Variants in CCNK observed in about 807,000 individuals in gnomAD.
CCNK encodes cyclin K, also known as cyclin-K.
A neutral mutation model predicts 65.0 loss-of-function variants in CCNK; 9 were observed. The observed-to-expected ratio is 0.14, with a 90% CI of 0.08 to 0.24. CCNK has a LOEUF of 0.24. Ranked by LOEUF, CCNK falls within the 10% of genes least tolerant of loss-of-function variation. CCNK has a pLI of 1.00. For synonymous variants in CCNK, 279 were observed against 270.8 expected (o/e 1.03, Z -0.30); for missense variants, 474 against 720.0 (o/e 0.66, Z 3.91).
chr14:99,497,616 C>T lies in CCNK; in HGVS notation c.411+1987C>T, dbSNP rs3918077. Among the ~76,000 whole-genome samples, 70 of 152,254 alleles carry T rather than the reference C, an allele frequency of 4.6e-4. No homozygotes were observed. In the East Asian group the frequency reaches 0.013, roughly 29 times the overall value. On this transcript the variant is annotated intron_variant, in intron 4 of 10. Coordinates refer to ENST00000389879, the MANE Select transcript of CCNK (RefSeq NM_001099402.2). ...TAAAGCTAAAGCGATGAAGTTCAGC[C>T]CCATTCATGGTGTTGTTTTTCCTAA...
intron 1 of CCNK, chr14:99,492,085 G>A (rs1308338224): frequency 2.6e-5 from 4 of 152,248 alleles, no homozygotes; most frequent in Non-Finnish European, 5.9e-5. Flanking sequence ...TGCACATTTG[G>A]TTTACATCAG....
At chr14:99,499,565 G>A (rs908516835) in intron 4 of CCNK, among the ~76,000 whole-genome samples, 1 of 152,182 alleles carries the variant, frequency 6.6e-6, no homozygotes, top group Non-Finnish European at 1.5e-5. Context: ...ACAACGCCCT[G>A]TCTTTGATGC....
rs912563511 is a variant in CCNK, at chr14:99,510,174, G to A, written c.1135G>A (p.Ala379Thr). 6.3e-6 allele frequency: 10 copies of A among 1,597,838 alleles called. No individual in the cohort carries two copies. The highest frequency in any genetic ancestry group is 2.2e-5 in the East Asian group (1 of 44,486). The change falls in exon 11 of 11, where the codon GCT becomes ACT. Residue 379 changes from alanine to threonine, a missense_variant. Transcript: ENST00000389879. ...TCCTGCAGACCGGAAGCCTCCCCTC[G>A]CTGCTGCCTTAGGTGAGGCTGAGCC... Reference protein sequence around the residue: ...HPPPDRKPPLAAALGEAEPPG... With the variant: ...HPPPDRKPPLTAALGEAEPPG...
intron 9 of CCNK, chr14:99,504,515 A>G (rs1468541033): frequency 1.3e-5 from 2 of 151,144 alleles, no homozygotes; most frequent in East Asian, 2.0e-4. Context: ...CAGCGGTGCA[A>G]TCTTAACTCA....
In CCNK at chr14:99,502,364, G is replaced by A. The variant is rs767256145; in HGVS notation, c.733G>A (p.Asp245Asn). The A allele has an allele frequency of 1.2e-6, 2 of 1,613,490 alleles. No individual in the cohort carries two copies. The highest frequency in any genetic ancestry group is 1.7e-6 in the Non-Finnish European group (2 of 1,179,742). The part of the protein sequence containing the change: ...WEQFVQDVPV[D>N]VLEDICHQIL... ...GCAGTTTGTTCAAGATGTCCCGGTC[G>A]ACGTTTTGGAAGGTACCAGGCATGC... Residue 245 changes from aspartate to asparagine, a missense_variant, in exon 7 of 11, where the codon GAC becomes AAC. Transcript: ENST00000389879.
Position 99,502,360 on chromosome 14 carries a change from G to A in CCNK, c.729G>A (p.Pro243=), listed in dbSNP as rs367888657. ...GGGAGCAGTTTGTTCAAGATGTCCC[G>A]GTCGACGTTTTGGAAGGTACCAGGC... ...RWWEQFVQDV[P]VDVLEDICHQ... is the part of the protein sequence containing the mutation. Residue 243 remains proline (P), a synonymous_variant, in exon 7 of 11, where the codon CCG becomes CCA. Coordinates refer to ENST00000389879, the MANE Select transcript of CCNK (RefSeq NM_001099402.2). The A allele has an allele frequency of 2.2e-5, 36 of 1,613,272 alleles. No individual in the cohort carries two copies. The highest frequency in any genetic ancestry group is 1.6e-4 in the Middle Eastern group (1 of 6,082).
intron 1 of CCNK, chr14:99,492,410 A>G: frequency 2.7e-6 from 1 of 366,016 alleles, no homozygotes; most frequent in Non-Finnish European, 4.8e-6. Context: ...CTTATTTTTA[A>G]ACTACCATGA....
intron 1 of CCNK, among the ~76,000 whole-genome samples, chr14:99,481,946 A>G (rs1896342747): frequency 6.6e-6 from 1 of 152,204 alleles, no homozygotes; most frequent in African/African-American, 2.4e-5. Flanking sequence ...CCACGTAACG[A>G]GGGTGCGGCT....
Position 99,511,075 on chromosome 14 carries a change from C to G in CCNK, c.*293C>G, listed in dbSNP as rs993199871. 3.8e-6 allele frequency: 1 copy of G among 263,036 alleles called. No individual in the cohort carries two copies. The highest frequency in any genetic ancestry group is 2.2e-5 in the African/African-American group (1 of 45,288). 16.3% of individuals were successfully genotyped at this position (263,036 alleles called of 1,614,324 possible). ...TACTTTATACTAGTGAGGACGTTAA[C>G]CAGCCATATTGGCTCAATAAATAGC... On this transcript the variant is annotated 3_prime_UTR_variant, in exon 11 of 11. Transcript: ENST00000389879.
intron 1 of CCNK, chr14:99,491,863 G>T (rs1354344586): frequency 6.6e-6 from 1 of 152,202 alleles, no homozygotes; most frequent in African/African-American, 2.4e-5. Context: ...TCTGATCCAG[G>T]TTACAAATGA....
intron 1 of CCNK, among the ~76,000 whole-genome samples, chr14:99,491,533 A>G (rs1290417968): frequency 2.0e-5 from 3 of 152,208 alleles, no homozygotes; most frequent in Non-Finnish European, 4.4e-5. Flanking sequence ...ACAGTGCCCA[A>G]TTTAATCAGT....
intron 4 of CCNK, among the ~76,000 whole-genome samples, chr14:99,498,997 TC>T (rs1896761288): frequency 1.3e-5 from 2 of 152,204 alleles, no homozygotes; most frequent in Non-Finnish European, 2.9e-5. Context: ...TGTTGAAGCT[TC>T]TGGGAAGCAG....
chr14:99,503,926 C>T (rs766198878), intron 9 of CCNK: 116 of 439,436 alleles, frequency 2.6e-4, no homozygotes, highest in Middle Eastern at 6.2e-4. Flanking sequence ...AGAACTGTTG[C>T]TGCAATTTTA....
intron 1 of CCNK, among the ~76,000 whole-genome samples, chr14:99,484,233 A>G (rs1896427501): frequency 6.6e-6 from 1 of 152,218 alleles, no homozygotes; most frequent in African/African-American, 2.4e-5. Context: ...TGAATTAGTC[A>G]GGTTGTTTCG....
intron 8 of CCNK, 24 bp from the exon 9 acceptor site, chr14:99,503,587 A>G (rs928288504): frequency 2.6e-6 from 4 of 1,550,902 alleles, no homozygotes; most frequent in African/African-American, 2.7e-5. Flanking sequence ...CCAGTTAACA[A>G]TTGTGTATTT....
In CCNK at chr14:99,502,208, C is replaced by A; in HGVS notation, c.577C>A (p.Leu193Ile). The change falls in exon 7 of 11, where the codon CTC (leucine) becomes ATC (isoleucine). Residue 193 changes from leucine to isoleucine, a missense_variant and splice_region_variant. Leu to Ile is a conservative substitution (Grantham distance 5). Transcript: ENST00000389879. The stretch of plus-strand genomic sequence containing the variant: ...CCTTTTTTTTTCTTGTTGAACTAGT[C>A]TCTGCACCACCTTGTCACTGCAGTG... ...QMAWTFVNDS[L>I]CTTLSLQWEP... 6.3e-7 allele frequency: 1 copy of A among 1,581,852 alleles called. No individual in the cohort carries two copies. The highest frequency in any genetic ancestry group is 8.6e-7 in the Non-Finnish European group (1 of 1,163,432).
At chr14:99,490,948 G>T (rs1192872271) in intron 1 of CCNK, among the ~76,000 whole-genome samples, 1 of 150,900 alleles carries the variant, frequency 6.6e-6, no homozygotes, top group Non-Finnish European at 1.5e-5. Context: ...AAAAAAAAGA[G>T]ATGTCTGTTT....
Position 99,510,824 on chromosome 14 carries a change from C to G in CCNK, c.*42C>G. ...CTCTTTGTTTTTTTAACAAGATTTT[C>G]TAATCGACTTGCAGAGTAGTTGAAG... On this transcript the variant is annotated 3_prime_UTR_variant, in exon 11 of 11. Coordinates refer to ENST00000389879, the MANE Select transcript of CCNK (RefSeq NM_001099402.2). 7.2e-7 allele frequency: 1 copy of G among 1,388,088 alleles called. No homozygotes were observed. The highest frequency in any genetic ancestry group is 9.4e-7 in the Non-Finnish European group (1 of 1,068,480). The allele number at this position is 1,388,088 out of a possible 1,614,324, so 86.0% of individuals were successfully genotyped here.
rs770657868 is a variant in CCNK at position 99,510,491 on chromosome 14, G to T, written c.1452G>T (p.Pro484=). The change falls in exon 11 of 11, where the codon CCG becomes CCT. Residue 484 remains proline, a synonymous_variant. Transcript: ENST00000389879. ...HPHVYPPNPP[P]PPVPPPPASF... ...ATGTCTACCCGCCCAACCCGCCCCC[G>T]CCACCTGTGCCTCCTCCCCCAGCCT... The T allele has an allele frequency of 1.9e-5, 10 of 522,466 alleles. No individual in the cohort carries two copies. Among genetic ancestry groups the T allele is most frequent in the Middle Eastern group, 6.7e-4 (1 of 1,486 alleles). The allele number at this position is 522,466 out of a possible 1,614,324, so 32.4% of individuals were successfully genotyped here.
Sources: gnomAD v4.1 joint callset for allele counts (sites outside exome capture counted in the v4.1 genomes callset) on GRCh38, gnomAD v4.1.1 for gene constraint, MANE v1.5 for transcripts, NCBI Gene and HGNC (gene_info 2026-07-23, HGNC 2026-07-21) for gene names.